DGKD: variants seen among roughly 807,000 people sequenced by gnomAD.
The protein encoded by DGKD is diacylglycerol kinase delta, also known as DAG kinase delta.
Under a neutral mutation model 154.4 loss-of-function variants are expected in DGKD, and 68 were observed. That is an observed-to-expected ratio of 0.44 (90% confidence interval 0.36 to 0.54). The LOEUF (loss-of-function observed/expected upper bound fraction) is 0.54. Ranked by LOEUF, DGKD falls within the 20% of genes least tolerant of loss-of-function variation. The pLI is 0.00. For missense variants in DGKD, 1,343 were observed against 1,593.6 expected, an observed-to-expected ratio of 0.84 and a Z score of 2.68; for synonymous variants, 693 against 638.0, an observed-to-expected ratio of 1.09 and a Z score of -1.30.
intron 1 of DGKD, chr2:233,379,924 G>A (rs1015825918): frequency 1.3e-5 from 2 of 152,170 alleles, no homozygotes; most frequent in African/African-American, 2.4e-5. Flanking sequence ...GTGAACCATC[G>A]TTTGAGATAG....
Position 233,438,484 on chromosome 2 carries a change from A to G in DGKD, c.1085+105A>G. On this transcript the variant is annotated intron_variant, in intron 9 of 29. Coordinates refer to ENST00000264057, the MANE Select transcript of DGKD (RefSeq NM_152879.3). This position sits in a 1 kb window ranked among gnomAD's most constrained non-coding sequence, Gnocchi z 4.1. ...TCAAAGACACAAAGCTTTAAATAGG[A>G]AAGAAAAGTTGAACTGCTTCCTTCC... The G allele has an allele frequency of 2.2e-6, 3 of 1,371,258 alleles. No homozygotes were observed. Among genetic ancestry groups the G allele is most frequent in the Non-Finnish European group, 2.9e-6 (3 of 1,017,228 alleles). The allele number at this position is 1,371,258 out of a possible 1,614,324, so 84.9% of individuals were successfully genotyped here.
At chr2:233,402,601 C>A (rs1206694573) in intron 3 of DGKD, among the ~76,000 whole-genome samples, 2 of 152,172 alleles carry the variant, frequency 1.3e-5, no homozygotes, top group African/African-American at 4.8e-5. Context: ...TATTGTGGAC[C>A]CCTCTGTGGG....
intron 18 of DGKD, among the ~76,000 whole-genome samples, chr2:233,453,413 A>G (rs1444764680): frequency 6.6e-6 from 1 of 152,108 alleles, no homozygotes; most frequent in Non-Finnish European, 1.5e-5. Flanking sequence ...CCCAGGACCT[A>G]TACATGCTGG....
intron 26 of DGKD, 90 bp downstream of exon 26, chr2:233,462,825 T>G (rs1240362031): frequency 8.5e-7 from 1 of 1,178,530 alleles, no homozygotes; most frequent in African/African-American, 1.5e-5. Flanking sequence ...GCAGCACACT[T>G]TAGTCCAGAG....
chr2:233,429,216 C>T (rs1235055794), intron 3 of DGKD: 1 of 985,300 alleles, frequency 1.0e-6, no homozygotes, highest in Non-Finnish European at 1.2e-6. Context: ...GAGTAGTAGA[C>T]TCAGGACCTA....
intron 3 of DGKD, among the ~76,000 whole-genome samples, chr2:233,427,634 G>A (rs1332811671): frequency 6.6e-6 from 1 of 152,088 alleles, no homozygotes; most frequent in Non-Finnish European, 1.5e-5. Context: ...AAGCCACTGC[G>A]CCCAGCCTTA....
chr2:233,403,802 G>A (rs1285791398), intron 3 of DGKD, among the ~76,000 whole-genome samples: 1 of 151,884 alleles, frequency 6.6e-6, no homozygotes, highest in African/African-American at 2.4e-5. Flanking sequence ...ACCACACCCA[G>A]CTAATTTTTT....
At chr2:233,366,893 C>T (rs924160444) in intron 1 of DGKD, among the ~76,000 whole-genome samples, 5 of 152,128 alleles carry the variant, frequency 3.3e-5, no homozygotes, top group Non-Finnish European at 7.3e-5. Flanking sequence ...TGCAGAGAAG[C>T]CCCAGAACCA....
Position 233,438,754 on chromosome 2 carries a change from TCATC to T in DGKD, c.1085+376_1085+379del, listed in dbSNP as rs965545201. The stretch of plus-strand genomic sequence containing the variant: ...AATTTTTTATTTATCTGTCTATCTA[TCATC>T]TATCTATCTATCTATCTATCTATCT... On this transcript the variant is annotated intron_variant, in intron 9 of 29. Transcript: ENST00000264057. The surrounding 1 kb of genome is among the most constrained non-coding windows in gnomAD (Gnocchi z 4.1). Among the ~76,000 whole-genome samples, 5 of 83,446 alleles carry T rather than the reference TCATC, an allele frequency of 6.0e-5. No homozygotes were observed. Among genetic ancestry groups the T allele is most frequent in the African/African-American group, 2.9e-4 (5 of 17,328 alleles). 54.7% of individuals were successfully genotyped at this position (83,446 alleles called of 152,430 possible).
At chr2:233,368,803 ACACCTTCATCTGG>A (rs1702168497) in intron 1 of DGKD, among the ~76,000 whole-genome samples, 1 of 152,202 alleles carries the variant, frequency 6.6e-6, no homozygotes, top group South Asian at 2.1e-4. Flanking sequence ...TCCTGGAAAC[ACACCTTCATCTGG>A]CTCTTTGGTC....
chr2:233,409,787 GTTTTT>G (rs3075533), intron 3 of DGKD, among the ~76,000 whole-genome samples: 1,536 of 60,848 alleles, frequency 0.025, 25 homozygotes, highest in African/African-American at 0.041. Flanking sequence ...CCCCCATACC[GTTTTT>G]TTTTTTTTTT....
In DGKD at chr2:233,457,160, G is replaced by A; in HGVS notation, c.2473-61G>A. The A allele has an allele frequency of 7.1e-7, 1 of 1,412,554 alleles. No homozygotes were observed. Among genetic ancestry groups the A allele is most frequent in the South Asian group, 1.3e-5 (1 of 74,256 alleles). 87.5% of individuals were successfully genotyped at this position (1,412,554 alleles called of 1,614,324 possible). A position where few individuals can be genotyped will look rare whatever the true frequency, so the allele number is the denominator to read the frequency against. On this transcript the variant is annotated intron_variant, in intron 20 of 29. Transcript: ENST00000264057. The surrounding 1 kb of genome is among the most constrained non-coding windows in gnomAD (Gnocchi z 5.5). ...AGCCCCTGGCGGTGGGAAGCTGGTA[G>A]AGAAGGAGGGGCTGACTCATACCTT... is the stretch of plus-strand genomic sequence containing the variant.
chr2:233,360,499 C>T (rs911600672), intron 1 of DGKD, among the ~76,000 whole-genome samples: 2 of 152,024 alleles, frequency 1.3e-5, no homozygotes, highest in African/African-American at 4.8e-5. Context: ...CTCAAGCGAT[C>T]CTCCCCCTTT....
intron 14 of DGKD, 54 bp downstream of exon 14, chr2:233,448,429 C>T (rs2063156307): frequency 6.5e-7 from 1 of 1,544,032 alleles, no homozygotes; most frequent in African/African-American, 1.4e-5. Context: ...GAAGCTTGCT[C>T]TGTCACCAGC....
At chr2:233,419,604 G>A (rs1456588876) in intron 3 of DGKD, among the ~76,000 whole-genome samples, 1 of 152,284 alleles carries the variant, frequency 6.6e-6, no homozygotes, top group South Asian at 2.1e-4. Flanking sequence ...AGGCTTTGTG[G>A]TGTGACTTTA....
intron 3 of DGKD, among the ~76,000 whole-genome samples, chr2:233,403,184 A>G (rs551434385): frequency 6.6e-6 from 1 of 152,336 alleles, no homozygotes; most frequent in Admixed American, 6.5e-5. Flanking sequence ...TCCAGGTACA[A>G]GTCCTCCTGT....
chr2:233,435,664 C>G (rs1305396174), intron 5 of DGKD, among the ~76,000 whole-genome samples, 154 bp from the exon 6 acceptor site: 1 of 152,206 alleles, frequency 6.6e-6, no homozygotes, highest in African/African-American at 2.4e-5. Flanking sequence ...CCATCAGCCT[C>G]TAAGCGTATC....
rs775498035 is a variant in DGKD at position 233,434,869 on chromosome 2, C to T, written c.554C>T (p.Ser185Phe). ...TYCNVCREAL[S>F]GVTSHGLSCE... The stretch of plus-strand genomic sequence containing the variant: ...TGCAATGTGTGCCGTGAGGCTCTGT[C>T]TGGGGTCACGTCGCACGGGCTGTCC... Residue 185 changes from serine to phenylalanine, a missense_variant, in exon 5 of 30, where the codon TCT becomes TTT. Ser to Phe is a radical substitution (Grantham distance 155). Around this residue, in one of 6 missense-constraint regions of DGKD, gnomAD observed 332 missense variants for 400.1 expected, o/e 0.83. Transcript: ENST00000264057. The T allele has an allele frequency of 8.7e-6, 14 of 1,614,120 alleles. No homozygotes were observed. The highest frequency in any genetic ancestry group is 1.1e-5 in the Non-Finnish European group (13 of 1,180,022).
chr2:233,411,682 A>G (rs2061834748), intron 3 of DGKD, among the ~76,000 whole-genome samples: 1 of 152,126 alleles, frequency 6.6e-6, no homozygotes, highest in Non-Finnish European at 1.5e-5. Flanking sequence ...GTGAAATTCA[A>G]CTTATCAGTT....
Sources: allele counts gnomAD v4.1 joint callset (sites outside exome capture counted in the v4.1 genomes callset), GRCh38; gene constraint gnomAD v4.1.1; regional missense constraint gnomAD v4.1.1; non-coding constraint Gnocchi (gnomAD v3.1); transcripts MANE v1.5; gene names NCBI Gene and HGNC (gene_info 2026-07-23, HGNC 2026-07-21).